HCN4: variants seen among roughly 807,000 people sequenced by gnomAD.
HCN4 encodes the protein hyperpolarization activated cyclic nucleotide gated potassium channel 4.
A neutral mutation model predicts 76.9 loss-of-function variants in HCN4; 29 were observed. That is an observed-to-expected ratio of 0.38 (90% CI 0.28 to 0.51). The LOEUF is 0.51. Ranked by LOEUF, HCN4 falls within the 20% of genes least tolerant of loss-of-function variation. HCN4 has a pLI of 0.90. For synonymous variants in HCN4, 772 were observed against 762.5 expected, an observed-to-expected ratio of 1.01 and a Z score of -0.21; for missense variants, 1,416 against 1,715.2, an observed-to-expected ratio of 0.83 and a Z score of 3.08.
At chr15:73,357,449 A>T (rs1217467258) in intron 1 of HCN4, among the ~76,000 whole-genome samples, 1 of 151,902 alleles carries the variant, frequency 6.6e-6, no homozygotes. Flanking sequence ...CTCCACCCAC[A>T]GTCATCTGGT....
chr15:73,368,346 G>A lies in HCN4; in HGVS notation c.-76C>T, dbSNP rs1357781539. On this transcript the variant is annotated 5_prime_UTR_variant, in exon 1 of 8. Coordinates refer to ENST00000261917, the MANE Select transcript of HCN4 (RefSeq NM_005477.3). This position sits in a 1 kb window ranked among gnomAD's most constrained non-coding sequence, Gnocchi z 6.9. ...CGGACGGGCTCCAGGTCCGCCCGCC[G>A]GTCAGTCCGCCCGTGGGGACGCGTC... is the stretch of plus-strand genomic sequence containing the variant. 6.3e-6 allele frequency: 7 copies of A among 1,103,860 alleles called. No homozygotes were observed. The highest frequency in any genetic ancestry group is 2.3e-5 in the South Asian group (1 of 43,036). 68.4% of individuals were successfully genotyped at this position (1,103,860 alleles called of 1,614,324 possible). A position where few individuals can be genotyped will look rare whatever the true frequency, so the allele number is the denominator to read the frequency against.
At chr15:73,358,886 A>C (rs2043092783) in intron 1 of HCN4, among the ~76,000 whole-genome samples, 1 of 152,024 alleles carries the variant, frequency 6.6e-6, no homozygotes, top group African/African-American at 2.4e-5. Flanking sequence ...CCCATAAACC[A>C]GAAGTGGAAC....
At chr15:73,340,395 G>C (rs2042993883) in intron 2 of HCN4, among the ~76,000 whole-genome samples, 1 of 152,180 alleles carries the variant, frequency 6.6e-6, no homozygotes, top group South Asian at 2.1e-4. Context: ...TGCTTTTCAT[G>C]GCAGTCTAGC....
rs948228552 is a variant in HCN4 at position 73,322,200 on chromosome 15, T to A, written c.*281A>T. The A allele has an allele frequency of 5.6e-5, 19 of 337,494 alleles. No individual in the cohort carries two copies. The highest frequency in any genetic ancestry group is 8.1e-5 in the East Asian group (1 of 12,286). 20.9% of individuals were successfully genotyped at this position (337,494 alleles called of 1,614,324 possible). On this transcript the variant is annotated 3_prime_UTR_variant, in exon 8 of 8. Coordinates refer to ENST00000261917, the MANE Select transcript of HCN4 (RefSeq NM_005477.3). ...CCCCTGCCCAGCCCCGGAGACCCCA[T>A]CTGCCTTTCTCTGGCTTTTGCATTT...
In HCN4 at chr15:73,323,784, G is replaced by A. The variant is rs763021264; in HGVS notation, c.2309C>T (p.Thr770Met). Residue 770 changes from threonine (T) to methionine (M), a missense_variant, in exon 8 of 8, where the codon ACG becomes ATG. Thr to Met is a moderately conservative substitution (Grantham distance 81, BLOSUM62 -1). Coordinates refer to ENST00000261917, the MANE Select transcript of HCN4 (RefSeq NM_005477.3). ...GATCAGCGGGGTCCAGATGACGGGC[G>A]TGGGGGTTGGGGTGGCAGAGGCAGC... ...QAAASATPTPTPVIWTPLIQA... is the reference protein window; with the variant it reads ...QAAASATPTPMPVIWTPLIQA... The A allele has an allele frequency of 1.5e-5, 24 of 1,607,884 alleles. No homozygotes were observed. Among genetic ancestry groups the A allele is most frequent in the East Asian group, 8.9e-5 (4 of 44,848 alleles).
intron 2 of HCN4, among the ~76,000 whole-genome samples, chr15:73,342,890 G>A (rs959051338): frequency 2.6e-4 from 39 of 152,254 alleles, no homozygotes; most frequent in African/African-American, 8.9e-4. Context: ...CCAATATAAC[G>A]GAGATGTTCT....
intron 2 of HCN4, among the ~76,000 whole-genome samples, chr15:73,333,046 AATACGT>A (rs1321438311): frequency 6.6e-6 from 1 of 152,192 alleles, no homozygotes; most frequent in East Asian, 1.9e-4. Flanking sequence ...CTGATTGGTT[AATACGT>A]ATTTGGGGTA....
chr15:73,345,191 G>C (rs908196961), intron 1 of HCN4, among the ~76,000 whole-genome samples: 1 of 152,200 alleles, frequency 6.6e-6, no homozygotes, highest in African/African-American at 2.4e-5. Context: ...CAAATTGTTT[G>C]TTTGTTTGCC....
rs2151215028 is a variant in HCN4, at chr15:73,324,112, G to A, written c.2120C>T (p.Ala707Val). 1.9e-6 allele frequency: 3 copies of A among 1,613,230 alleles called. No individual in the cohort carries two copies. The highest frequency in any genetic ancestry group is 2.5e-6 in the Non-Finnish European group (3 of 1,179,920). Residue 707 changes from alanine (A) to valine (V), a missense_variant, in exon 7 of 8, where the codon GCG becomes GTG. Physicochemically the swap from Ala to Val is moderately conservative, Grantham distance 64. Transcript: ENST00000261917. ...PMMRRAFETV[A>V]LDRLDRIGKK... is the part of the protein sequence containing the mutation. ...ACCAATGCGGTCCAGGCGGTCCAGC[G>A]CCACGGTCTCGAAGGCCCTTCGCAT...
chr15:73,325,484 G>T lies in HCN4; in HGVS notation c.1591-40C>A. The T allele has an allele frequency of 1.2e-6, 2 of 1,611,374 alleles. No homozygotes were observed. The highest frequency in any genetic ancestry group is 1.1e-5 in the South Asian group (1 of 91,012). ...AGGGGGCGTCAGCTCCACCCCACCAGGGGGCGTCAGCAGCCAGCCCCACCA... is the reference window on the plus strand; with the variant it reads ...AGGGGGCGTCAGCTCCACCCCACCATGGGGCGTCAGCAGCCAGCCCCACCA... On this transcript the variant is annotated intron_variant, in intron 4 of 7. Coordinates refer to ENST00000261917, the MANE Select transcript of HCN4 (RefSeq NM_005477.3). This position sits in a 1 kb window ranked among gnomAD's most constrained non-coding sequence, Gnocchi z 7.4.
rs1301468837 is a variant in HCN4, at chr15:73,322,626, G to A, written c.3467C>T (p.Thr1156Ile). 2 of 1,611,674 alleles carry A rather than the reference G, an allele frequency of 1.2e-6. No individual in the cohort carries two copies. The highest frequency in any genetic ancestry group is 1.3e-5 in the African/African-American group (1 of 74,928). The change falls in exon 8 of 8, where the codon ACA (threonine) becomes ATA (isoleucine). Residue 1156 changes from threonine (T) to isoleucine (I), a missense_variant. Transcript: ENST00000261917. ...AGGGGGTGGCAAAGAACCTGAGGAT[G>A]TCTTCCGAGGCAGAGTGACGTGCTG... Reference protein sequence around the residue: ...PGQHVTLPRKTSSGSLPPPLS... With the variant: ...PGQHVTLPRKISSGSLPPPLS...
In HCN4 at chr15:73,347,150, C is replaced by G. The variant is rs56715349; in HGVS notation, c.786-3342G>C. Among the ~76,000 whole-genome samples the G allele has an allele frequency of 5.2e-3, 790 of 152,322 alleles. 5 individuals carry two copies. Among genetic ancestry groups the G allele is most frequent in the African/African-American group, 0.017 (717 of 41,564 alleles). ...ACACTTCACATGTATAGAGAACTTACTTGGGTTTTCCATGCATTACTTCAT... is the reference window on the plus strand; with the variant it reads ...ACACTTCACATGTATAGAGAACTTAGTTGGGTTTTCCATGCATTACTTCAT... On this transcript the variant is annotated intron_variant, in intron 1 of 7. Transcript: ENST00000261917.
intron 2 of HCN4, among the ~76,000 whole-genome samples, chr15:73,341,958 C>G (rs1459851844): frequency 6.6e-6 from 1 of 152,198 alleles, no homozygotes; most frequent in Non-Finnish European, 1.5e-5. Flanking sequence ...TTCTGCCAGG[C>G]AAGCAGGGGG....
chr15:73,348,235 A>C (rs531467385), intron 1 of HCN4, among the ~76,000 whole-genome samples: 2 of 152,342 alleles, frequency 1.3e-5, no homozygotes, highest in East Asian at 3.9e-4. Context: ...GAGGCCAAAG[A>C]GGATGGGAAG....
At chr15:73,324,824 C>G in intron 6 of HCN4, 131 bp downstream of exon 6, 1 of 1,132,066 alleles carries the variant, frequency 8.8e-7, no homozygotes, top group Non-Finnish European at 1.3e-6. Context: ...ACACCCCTAC[C>G]CTGGGCTCAC....
chr15:73,365,457 C>G (rs879526101), intron 1 of HCN4, among the ~76,000 whole-genome samples: 2 of 152,198 alleles, frequency 1.3e-5, no homozygotes, highest in Non-Finnish European at 2.9e-5. Context: ...TCTGCTGTAT[C>G]CCCGCTTCCC....
rs76789737 is a variant in HCN4, at chr15:73,332,508, C to A, written c.1210-216G>T. On this transcript the variant is annotated intron_variant, in intron 2 of 7. Transcript: ENST00000261917. ...AGGCTGCAGGGTCCCAGAGGGACATCTCCTGGCATCTATACAGATGGGGGG... is the reference window on the plus strand; with the variant it reads ...AGGCTGCAGGGTCCCAGAGGGACATATCCTGGCATCTATACAGATGGGGGG... Among the ~76,000 whole-genome samples the A allele has an allele frequency of 0.29, 43,687 of 152,076 alleles. 7,958 individuals are homozygous for A. The highest frequency in any genetic ancestry group is 0.41 in the Non-Finnish European group (27,586 of 67,936).
chr15:73,360,497 G>A (rs533108239), intron 1 of HCN4, among the ~76,000 whole-genome samples: 18 of 152,256 alleles, frequency 1.2e-4, no homozygotes, highest in Admixed American at 5.9e-4. Context: ...GCCCCTCCTC[G>A]ACGTTTTAAT....
chr15:73,324,380 C>A, intron 6 of HCN4, 127 bp from the exon 7 acceptor site: 1 of 1,007,236 alleles, frequency 9.9e-7, no homozygotes, highest in Non-Finnish European at 1.5e-6. Flanking sequence ...GCCCTGCCCC[C>A]AGACTGCGGC....
Sources: allele counts gnomAD v4.1 joint callset (sites outside exome capture counted in the v4.1 genomes callset), GRCh38; gene constraint gnomAD v4.1.1; non-coding constraint Gnocchi (gnomAD v3.1); transcripts MANE v1.5; gene names NCBI Gene and HGNC (gene_info 2026-07-23, HGNC 2026-07-21).